Variants in HMCN1 observed in about 807,000 individuals in gnomAD.
The protein encoded by HMCN1 is hemicentin 1, also known as hemicentin-1.
HMCN1 carries 321 observed loss-of-function variants against 625.9 expected under a neutral mutation model. The ratio of observed to expected loss-of-function variants is 0.51; its 90% CI spans 0.47 to 0.56. The LOEUF (loss-of-function observed/expected upper bound fraction) is 0.56, where lower values mean the gene tolerates loss of function less well. HMCN1 is among the 20% of genes least tolerant of loss of function. HMCN1 has a pLI of 0.00. For missense variants in HMCN1, 6,588 were observed against 6,887.3 expected, an observed-to-expected ratio of 0.96 and a Z score of 1.54; for synonymous variants, 2,425 against 2,417.6, an observed-to-expected ratio of 1.00 and a Z score of -0.09.
rs181178835 is a variant in HMCN1, at chr1:185,899,198, C to T, written c.622-10139C>T. On this transcript the variant is annotated intron_variant, in intron 4 of 106. Transcript: ENST00000271588. Reference sequence around the variant, plus strand: ...TGTCCAGTGACACTGGGGCGATGTTCGCTATTTTTTTGGACCCAAATTTCT... The same window carrying T: ...TGTCCAGTGACACTGGGGCGATGTTTGCTATTTTTTTGGACCCAAATTTCT... Among the ~76,000 whole-genome samples, 128 of 152,204 alleles carry T rather than the reference C, an allele frequency of 8.4e-4. 1 individual carries two copies. Among genetic ancestry groups the T allele is most frequent in the South Asian group, 6.2e-4 (3 of 4,820 alleles).
chr1:186,109,511 C>A (rs1005357797), intron 71 of HMCN1, among the ~76,000 whole-genome samples: 34 of 152,166 alleles, frequency 2.2e-4, no homozygotes, highest in African/African-American at 7.5e-4. Flanking sequence ...TCTGAGAAGA[C>A]AGGTTAGTCA....
chr1:186,142,412 G>A (rs1650029518), intron 89 of HMCN1, among the ~76,000 whole-genome samples: 1 of 152,086 alleles, frequency 6.6e-6, no homozygotes, highest in African/African-American at 2.4e-5. Context: ...GTCTACTGTT[G>A]TTGGGTGTTT....
chr1:185,812,805 C>G (rs959471358), intron 1 of HMCN1, among the ~76,000 whole-genome samples: 1 of 149,990 alleles, frequency 6.7e-6, no homozygotes, highest in Admixed American at 6.6e-5. Context: ...GCAATCCCCC[C>G]CCACACACAT....
chr1:185,799,395 G>A (rs1658632532), intron 1 of HMCN1, among the ~76,000 whole-genome samples: 1 of 152,168 alleles, frequency 6.6e-6, no homozygotes, highest in Admixed American at 6.5e-5. Flanking sequence ...ATGCCCAATG[G>A]CTTGGACTCC....
intron 41 of HMCN1, among the ~76,000 whole-genome samples, chr1:186,046,962 A>C (rs1656615898): frequency 6.6e-6 from 1 of 152,222 alleles, no homozygotes; most frequent in Non-Finnish European, 1.5e-5. Context: ...GGATTAGAAC[A>C]CCCAGACTAT....
chr1:185,945,253 C>A (rs1488803210), intron 11 of HMCN1, among the ~76,000 whole-genome samples: 1 of 152,120 alleles, frequency 6.6e-6, no homozygotes, highest in Non-Finnish European at 1.5e-5. Flanking sequence ...TTTATTTATG[C>A]TATGCCCCTA....
At chr1:186,049,725 C>T (rs994689666) in intron 42 of HMCN1, among the ~76,000 whole-genome samples, 1 of 151,842 alleles carries the variant, frequency 6.6e-6, no homozygotes, top group Non-Finnish European at 1.5e-5. Flanking sequence ...ATAGTTTATT[C>T]ACATATTTTT....
intron 29 of HMCN1, among the ~76,000 whole-genome samples, chr1:186,004,846 A>C (rs1253195276): frequency 1.3e-5 from 2 of 152,144 alleles, no homozygotes; most frequent in Non-Finnish European, 2.9e-5. Flanking sequence ...AAAGATGGGA[A>C]AGCTGGCTAA....
At chr1:185,777,636 G>A (rs1290228086) in intron 1 of HMCN1, among the ~76,000 whole-genome samples, 1 of 152,068 alleles carries the variant, frequency 6.6e-6, no homozygotes, top group East Asian at 1.9e-4. Flanking sequence ...ATTTTTAGTA[G>A]AGACGGTGTT....
intron 3 of HMCN1, 36 bp from the exon 4 acceptor site, chr1:185,865,705 C>T: frequency 6.3e-7 from 1 of 1,579,052 alleles, no homozygotes; most frequent in South Asian, 1.1e-5. Context: ...TTCTGGAAAC[C>T]CTTTACACTG....
In HMCN1 at chr1:186,055,492, C is replaced by T. The variant is rs777756168; in HGVS notation, c.6962C>T (p.Pro2321Leu). 4.3e-6 allele frequency: 7 copies of T among 1,612,844 alleles called. No homozygotes were observed. The highest frequency in any genetic ancestry group is 5.9e-6 in the Non-Finnish European group (7 of 1,179,270). Residue 2321 changes from proline to leucine, a missense_variant, in exon 45 of 107, where the codon CCA becomes CTA. Coordinates refer to ENST00000271588, the MANE Select transcript of HMCN1 (RefSeq NM_031935.3). ...GAGTGTGAGGTGCAGGGTATTCCAC[C>T]ACCAACAGTGACCTGGATGAAAGAT... ...SLECEVQGIPPPTVTWMKDGH... is the reference protein window; with the variant it reads ...SLECEVQGIPLPTVTWMKDGH...
intron 11 of HMCN1, among the ~76,000 whole-genome samples, chr1:185,947,585 A>C (rs994824829): frequency 6.6e-6 from 1 of 152,168 alleles, no homozygotes; most frequent in Admixed American, 6.6e-5. Context: ...CATTGATGAG[A>C]TATCATTTGC....
At chr1:186,188,736 C>T (rs1363741461) in intron 106 of HMCN1, among the ~76,000 whole-genome samples, 1 of 152,172 alleles carries the variant, frequency 6.6e-6, no homozygotes, top group African/African-American at 2.4e-5. Context: ...GCAGCATAGT[C>T]AAGTGTGGAC....
Position 186,093,473 on chromosome 1 carries a change from C to T in HMCN1, c.10013-13C>T, listed in dbSNP as rs968298005. 2.5e-6 allele frequency: 4 copies of T among 1,612,572 alleles called. No individual in the cohort carries two copies. The South Asian group carries it at 4.4e-5, about 18-fold the overall frequency. ...ATCCCTCTTCCCTCTCTCTCACTTT[C>T]TGCACAACATAGTTACACCTACAAT... On this transcript the variant is annotated splice_polypyrimidine_tract_variant and intron_variant, in intron 65 of 106. Coordinates refer to ENST00000271588, the MANE Select transcript of HMCN1 (RefSeq NM_031935.3).
intron 48 of HMCN1, among the ~76,000 whole-genome samples, chr1:186,063,067 C>CACATATATATATATAT (rs1657836356): frequency 3.3e-5 from 2 of 59,852 alleles, no homozygotes; most frequent in Non-Finnish European, 2.7e-5. Context: ...TGTGTGTGTG[C>CACATATATATATATAT]ATATATATAT....
chr1:185,817,318 G>A (rs959385595), intron 1 of HMCN1, among the ~76,000 whole-genome samples: 1 of 152,180 alleles, frequency 6.6e-6, no homozygotes, highest in Non-Finnish European at 1.5e-5. Flanking sequence ...TTAAGGATGT[G>A]TGGGCAGCAA....
In HMCN1 at chr1:186,019,521, TC is replaced by T; in HGVS notation, c.5471-15del. On this transcript the variant is annotated intron_variant, in intron 34 of 106. Coordinates refer to ENST00000271588, the MANE Select transcript of HMCN1 (RefSeq NM_031935.3). ...TCACTGATTATGGTTTCATTCCCTC[TC>T]CCCCTTCCTTAAATATAGTTCCTCC... 1.9e-6 allele frequency: 3 copies of T among 1,588,300 alleles called. No individual in the cohort carries two copies. Among genetic ancestry groups the T allele is most frequent in the Non-Finnish European group, 2.6e-6 (3 of 1,157,098 alleles).
Position 186,145,773 on chromosome 1 carries a change from T to C in HMCN1, c.14458T>C (p.Trp4820Arg). Residue 4820 changes from tryptophan (W) to arginine (R), a missense_variant, in exon 93 of 107, where the codon TGG (tryptophan) becomes CGG (arginine). Trp to Arg is a moderately radical substitution (Grantham distance 101). Transcript: ENST00000271588. ...CACAGTGGATGGAAGTTGGGGAAGC[T>C]GGCATAGTTGGAGCCAGTGCTCTGC... is the stretch of plus-strand genomic sequence containing the variant. ...MCPVDGSWGS[W>R]HSWSQCSASC... 6.2e-7 allele frequency: 1 copy of C among 1,614,174 alleles called. No homozygotes were observed. The highest frequency in any genetic ancestry group is 8.5e-7 in the Non-Finnish European group (1 of 1,179,998).
intron 89 of HMCN1, among the ~76,000 whole-genome samples, chr1:186,141,102 A>G (rs1309104460): frequency 6.6e-6 from 1 of 152,186 alleles, no homozygotes; most frequent in South Asian, 2.1e-4. Flanking sequence ...TCTCATAAGG[A>G]GCACACAACA....
Sources: allele counts gnomAD v4.1 joint callset (sites outside exome capture counted in the v4.1 genomes callset), GRCh38; gene constraint gnomAD v4.1.1; transcripts MANE v1.5; gene names NCBI Gene and HGNC (gene_info 2026-07-23, HGNC 2026-07-21).